Variants in GAREM1 observed in about 807,000 individuals in gnomAD.
GAREM1 encodes the protein GRB2 associated regulator of MAPK1 subtype 1.
Under a neutral mutation model 71.3 loss-of-function variants are expected in GAREM1, and 26 were observed. The observed-to-expected ratio is 0.36, with a 90% confidence interval of 0.27 to 0.51. The LOEUF (loss-of-function observed/expected upper bound fraction) is 0.51. GAREM1 is among the 20% of genes least tolerant of loss of function. The probability of loss-of-function intolerance (pLI) is 0.95; values close to 1 mark genes in which losing one functional copy is unlikely to be tolerated. For missense variants in GAREM1, 1,026 were observed against 1,103.1 expected (o/e 0.93, Z 0.99); for synonymous variants, 440 against 433.2 (o/e 1.02, Z -0.20).
chr18:32,273,735 AAGAG>A (rs141502703), intron 4 of GAREM1, among the ~76,000 whole-genome samples: 192 of 151,080 alleles, frequency 1.3e-3, no homozygotes, highest in African/African-American at 4.0e-3. Flanking sequence ...GAGAGAAAGA[AAGAG>A]AGAGAGAGAG....
intron 1 of GAREM1, among the ~76,000 whole-genome samples, chr18:32,435,607 G>A (rs904777790): frequency 2.6e-5 from 4 of 151,936 alleles, no homozygotes; most frequent in Non-Finnish European, 5.9e-5. Context: ...AACCAGTAGA[G>A]GTGTAACAAT....
At chr18:32,358,830 A>G (rs1159699158) in intron 2 of GAREM1, among the ~76,000 whole-genome samples, 2 of 152,202 alleles carry the variant, frequency 1.3e-5, no homozygotes, top group Non-Finnish European at 2.9e-5. Context: ...CAATGTATCT[A>G]TTAGAAGCAG....
At chr18:32,419,306 A>G (rs1169134478) in intron 1 of GAREM1, among the ~76,000 whole-genome samples, 1 of 152,144 alleles carries the variant, frequency 6.6e-6, no homozygotes, top group Non-Finnish European at 1.5e-5. Flanking sequence ...CTCCATGGAT[A>G]ATAAGCTGAA....
At position 32,268,383 on chromosome 18, in the gene GAREM1, C is replaced by T; in HGVS notation, c.2119G>A (p.Asp707Asn). 2 of 1,614,184 alleles carry T rather than the reference C, an allele frequency of 1.2e-6. No individual in the cohort carries two copies. Among genetic ancestry groups the T allele is most frequent in the Non-Finnish European group, 1.7e-6 (2 of 1,180,030 alleles). The change falls in exon 6 of 6, where the codon GAT becomes AAT. Residue 707 changes from aspartate (D) to asparagine (N), a missense_variant. Physicochemically the swap from Asp to Asn is conservative, Grantham distance 23. Transcript: ENST00000269209. The part of the protein sequence containing the change: ...KSASYSLEST[D>N]VKSLAAGVTK... ...ACACCAGCTGCAAGAGATTTCACAT[C>T]TGTGCTCTCCAGAGAGTAGCTGGCT... is the stretch of plus-strand genomic sequence containing the variant.
At chr18:32,365,588 T>G (rs1055029320) in intron 2 of GAREM1, among the ~76,000 whole-genome samples, 3 of 152,096 alleles carry the variant, frequency 2.0e-5, no homozygotes, top group Non-Finnish European at 4.4e-5. Context: ...TGGCCAAAAC[T>G]CCATGGATGG....
At chr18:32,444,013 A>G (rs1246640552) in intron 1 of GAREM1, among the ~76,000 whole-genome samples, 2 of 152,290 alleles carry the variant, frequency 1.3e-5, no homozygotes, top group East Asian at 3.9e-4. Flanking sequence ...GAAGTCAGTC[A>G]CAAAAGGCCA....
At position 32,411,321 on chromosome 18, in the gene GAREM1, C is replaced by G. The variant is rs563567896; in HGVS notation, c.122-18286G>C. Among the ~76,000 whole-genome samples, 192 of 152,228 alleles carry G rather than the reference C, an allele frequency of 1.3e-3. 1 individual carries two copies. The highest frequency in any genetic ancestry group is 4.4e-3 in the African/African-American group (184 of 41,540). ...TTTATTTCAAGAGGATAAACTGAGCCACAAGTCAAACGTTAGGGATTTTCA... is the reference window on the plus strand; with the variant it reads ...TTTATTTCAAGAGGATAAACTGAGCGACAAGTCAAACGTTAGGGATTTTCA... On this transcript the variant is annotated intron_variant, in intron 1 of 5. Transcript: ENST00000269209.
chr18:32,451,738 CA>C (rs548342023), intron 1 of GAREM1, among the ~76,000 whole-genome samples: 3 of 151,140 alleles, frequency 2.0e-5, no homozygotes, highest in Non-Finnish European at 4.4e-5. Context: ...CCTTGTTAAA[CA>C]AAAAAAAATC....
intron 2 of GAREM1, among the ~76,000 whole-genome samples, chr18:32,347,539 T>C (rs896046675): frequency 6.6e-6 from 1 of 152,064 alleles, no homozygotes; most frequent in African/African-American, 2.4e-5. Context: ...AAATCTTAAA[T>C]AGCACTAAAT....
chr18:32,391,608 G>C (rs987280983), intron 2 of GAREM1, among the ~76,000 whole-genome samples: 1 of 152,160 alleles, frequency 6.6e-6, no homozygotes, highest in Admixed American at 6.5e-5. Context: ...AAAGTAGCAT[G>C]TATCTCACTA....
chr18:32,339,050 A>G (rs535082485), intron 2 of GAREM1, among the ~76,000 whole-genome samples: 9 of 152,290 alleles, frequency 5.9e-5, no homozygotes, highest in Non-Finnish European at 1.2e-4. Context: ...TCTATCCAGC[A>G]CTTTGGACTT....
At chr18:32,286,321 AGTGTGT>A (rs140225815) in intron 4 of GAREM1, among the ~76,000 whole-genome samples, 388 of 143,230 alleles carry the variant, frequency 2.7e-3, no homozygotes, top group Admixed American at 8.4e-3. Flanking sequence ...CTGGTTCTGG[AGTGTGT>A]GTGTGTGTGT....
At chr18:32,364,870 GCACA>G (rs2047913580) in intron 2 of GAREM1, among the ~76,000 whole-genome samples, 2 of 144,932 alleles carry the variant, frequency 1.4e-5, no homozygotes, top group Non-Finnish European at 3.0e-5. Context: ...ACATATAAGA[GCACA>G]GACACACACA....
intron 1 of GAREM1, among the ~76,000 whole-genome samples, chr18:32,419,623 G>A (rs1426411704): frequency 6.6e-6 from 1 of 152,156 alleles, no homozygotes; most frequent in African/African-American, 2.4e-5. Flanking sequence ...ATGGCACTTT[G>A]TTACAGCAGC....
At chr18:32,289,213 A>G (rs1377935994) in intron 3 of GAREM1, among the ~76,000 whole-genome samples, 1 of 152,122 alleles carries the variant, frequency 6.6e-6, no homozygotes, top group African/African-American at 2.4e-5. Flanking sequence ...CAAGTATCTG[A>G]GACTACAGGT....
At chr18:32,290,642 G>GA (rs586596) in intron 3 of GAREM1, among the ~76,000 whole-genome samples, 7,694 of 75,114 alleles carry the variant, frequency 0.1, 534 homozygotes, top group African/African-American at 0.2. Flanking sequence ...CAGACTGTCT[G>GA]AAAAAAAAAA....
rs148169286 is a variant in GAREM1, at chr18:32,422,368, G to A, written c.122-29333C>T. 6.5e-3 allele frequency among the ~76,000 whole-genome samples: 991 copies of A among 152,222 alleles called. 10 individuals carry two copies. The highest frequency in any genetic ancestry group is 0.023 in the African/African-American group (954 of 41,526). ...CATCTTCCATTCAACAGATGGAACT[G>A]ATTCTTTCCTTTCACTCCCTTGGCC... is the stretch of plus-strand genomic sequence containing the variant. On this transcript the variant is annotated intron_variant, in intron 1 of 5. Coordinates refer to ENST00000269209, the MANE Select transcript of GAREM1 (RefSeq NM_001242409.2).
chr18:32,385,337 T>G (rs1012279535), intron 2 of GAREM1, among the ~76,000 whole-genome samples: 1 of 152,122 alleles, frequency 6.6e-6, no homozygotes, highest in African/African-American at 2.4e-5. Context: ...TAATCTAATT[T>G]TCCTCAGTTT....
chr18:32,320,333 A>G (rs2047417061), intron 2 of GAREM1, among the ~76,000 whole-genome samples: 1 of 152,134 alleles, frequency 6.6e-6, no homozygotes, highest in African/African-American at 2.4e-5. Context: ...ATTTCTGCTG[A>G]TCTTAATCAT....
Sources: gnomAD v4.1 joint callset for allele counts (sites outside exome capture counted in the v4.1 genomes callset) on GRCh38, gnomAD v4.1.1 for gene constraint, MANE v1.5 for transcripts, NCBI Gene and HGNC (gene_info 2026-07-23, HGNC 2026-07-21) for gene names.